Variants in NAA10 observed in about 807,000 individuals in gnomAD.
The protein encoded by NAA10 is N-alpha-acetyltransferase 10.
In NAA10, 6 loss-of-function variants were observed where a neutral mutation model predicts 19.2. The observed-to-expected ratio is 0.31, with a 90% CI of 0.17 to 0.62. NAA10 has a LOEUF of 0.62. Ranked by LOEUF, NAA10 falls within the 20% of genes least tolerant of loss-of-function variation. The pLI is 0.83. For synonymous variants in NAA10, 97 were observed against 79.9 expected (o/e 1.21, Z -1.14); for missense variants, 101 against 198.4 (o/e 0.51, Z 2.95).
chrX:153,932,262 C>A (rs781858138), intron 5 of NAA10, 54 bp downstream of exon 5: 1 of 1,154,044 alleles, frequency 8.7e-7, no homozygotes, highest in Non-Finnish European at 1.2e-6. Flanking sequence ...CCAGGACCCC[C>A]GTCAAGGCAG....
At position 153,930,336 on chromosome X, in the gene NAA10, G is replaced by A. The variant is rs370487894; in HGVS notation, c.472-113C>T. The A allele has an allele frequency of 3.5e-4, 241 of 694,154 alleles. 1 individual carries two copies. The African/African-American group carries it at 4.5e-3, about 13-fold the overall frequency. 57.2% of individuals were successfully genotyped at this position (694,154 alleles called of 1,213,427 possible). A position where few individuals can be genotyped will look rare whatever the true frequency, so the allele number is the denominator to read the frequency against. The stretch of plus-strand genomic sequence containing the variant: ...AGGAGAGGGGCATAGTGAGGCAGCA[G>A]GGCTAGGCAGGACACGCGGGACTGA... On this transcript the variant is annotated intron_variant, in intron 7 of 7. Coordinates refer to ENST00000464845, the MANE Select transcript of NAA10 (RefSeq NM_003491.4).
In NAA10 at chrX:153,933,865, G is replaced by C. The variant is rs1360058884; in HGVS notation, c.179+78C>G. On this transcript the variant is annotated intron_variant, in intron 3 of 7. Coordinates refer to ENST00000464845, the MANE Select transcript of NAA10 (RefSeq NM_003491.4). ...CTTTCAACTGTACTGAAAAGAAGAAGCCTATTCATTTTTTTTAAAGCCCAC... is the reference window on the plus strand; with the variant it reads ...CTTTCAACTGTACTGAAAAGAAGAACCCTATTCATTTTTTTTAAAGCCCAC... 15 of 866,533 alleles carry C rather than the reference G, an allele frequency of 1.7e-5. No individual in the cohort carries two copies. The Admixed American group carries it at 3.6e-4, about 21-fold the overall frequency. 71.4% of individuals were successfully genotyped at this position (866,533 alleles called of 1,213,427 possible). A position where few individuals can be genotyped will look rare whatever the true frequency, so the allele number is the denominator to read the frequency against.
Position 153,929,897 on chromosome X carries a change from ATG to A in NAA10, c.*88_*89del. 1 of 766,915 alleles carries A rather than the reference ATG, an allele frequency of 1.3e-6. No homozygotes were observed. The highest frequency in any genetic ancestry group is 2.1e-5 in the South Asian group (1 of 46,998). The allele number at this position is 766,915 out of a possible 1,213,427, so 63.2% of individuals were successfully genotyped here. On this transcript the variant is annotated 3_prime_UTR_variant, in exon 8 of 8. Transcript: ENST00000464845. ...GGACCTGGAGAAACACACCCTCTAAATGTGCGCGCGCTCACACACAAAGTTCC... is the reference window on the plus strand; with the variant it reads ...GGACCTGGAGAAACACACCCTCTAAATGCGCGCGCTCACACACAAAGTTCC...
At chrX:153,932,905 T>G (rs1316404311) in intron 3 of NAA10, 15 of 306,578 alleles carry the variant, frequency 4.9e-5, no homozygotes, top group African/African-American at 3.5e-4. Flanking sequence ...ATCAAAAAAT[T>G]AGCTGGATGT....
intron 4 of NAA10, 21 bp downstream of exon 4, chrX:153,932,518 G>C (rs1159582781): frequency 1.7e-6 from 2 of 1,202,757 alleles, no homozygotes; most frequent in Non-Finnish European, 2.2e-6. Flanking sequence ...CCACCAGAGA[G>C]CCTGGGTGGA....
intron 5 of NAA10, 82 bp from the exon 6 acceptor site, chrX:153,932,197 G>T: frequency 8.5e-7 from 1 of 1,176,965 alleles, no homozygotes; most frequent in Non-Finnish European, 1.2e-6. Flanking sequence ...CCTCCTCCTG[G>T]TCCCTCCTTC....
Position 153,929,756 on chromosome X carries a change from G to A in NAA10, c.*231C>T, listed in dbSNP as rs2065155159. The A allele has an allele frequency of 2.3e-6, 1 of 431,232 alleles. No individual in the cohort carries two copies. The highest frequency in any genetic ancestry group is 3.5e-5 in the South Asian group (1 of 28,673). The allele number at this position is 431,232 out of a possible 1,213,427, so 35.5% of individuals were successfully genotyped here. A position where few individuals can be genotyped will look rare whatever the true frequency, so the allele number is the denominator to read the frequency against. ...TAAGTCCAGGGCCTCCTTCCCCGGG[G>A]CCACAGCTGCTGAAGGTCATGAGAC... is the stretch of plus-strand genomic sequence containing the variant. On this transcript the variant is annotated 3_prime_UTR_variant, in exon 8 of 8. Transcript: ENST00000464845.
At position 153,929,279 on chromosome X, in the gene NAA10, C is replaced by T. The variant is rs1391999344; in HGVS notation, c.*708G>A. ...TAACTTATCAGTATTGGCGCATCAA[C>T]AATAACAAATACACCAACTAATACA... On this transcript the variant is annotated 3_prime_UTR_variant, in exon 8 of 8. Transcript: ENST00000464845. The T allele has an allele frequency of 8.9e-6, 1 of 112,418 alleles. No individual in the cohort carries two copies. The highest frequency in any genetic ancestry group is 3.2e-5 in the African/African-American group (1 of 30,812). The allele number at this position is 112,418 out of a possible 1,213,427, so 9.3% of individuals were successfully genotyped here. A position where few individuals can be genotyped will look rare whatever the true frequency, so the allele number is the denominator to read the frequency against.
chrX:153,929,834 C>T lies in NAA10; in HGVS notation c.*153G>A, dbSNP rs1365236633. The T allele has an allele frequency of 6.0e-6, 3 of 503,850 alleles. No homozygotes were observed. In the African/African-American group the frequency reaches 7.0e-5, roughly 12 times the overall value. 41.5% of individuals were successfully genotyped at this position (503,850 alleles called of 1,213,427 possible). On this transcript the variant is annotated 3_prime_UTR_variant, in exon 8 of 8. Coordinates refer to ENST00000464845, the MANE Select transcript of NAA10 (RefSeq NM_003491.4). ...CCTTGTACTCGGGCCTGGCAGGATG[C>T]TCTGGGTCAAAAGGCCAAGGCTCAC...
At chrX:153,931,300 C>T in intron 6 of NAA10, 1 of 881,622 alleles carries the variant, frequency 1.1e-6, no homozygotes, top group Non-Finnish European at 1.4e-6. Context: ...GGGAGCTGGA[C>T]TCAATGGCCT....
At chrX:153,933,408 G>A (rs1382558039) in intron 3 of NAA10, among the ~76,000 whole-genome samples, 7 of 112,297 alleles carry the variant, frequency 6.2e-5, no homozygotes, top group East Asian at 2.8e-4. Flanking sequence ...AGTGGCTCAC[G>A]CCTGTAATCC....
chrX:153,929,928 G>C lies in NAA10; in HGVS notation c.*59C>G. 4 of 1,019,537 alleles carry C rather than the reference G, an allele frequency of 3.9e-6. No homozygotes were observed. The Admixed American group carries it at 8.8e-5, about 22-fold the overall frequency. The allele number at this position is 1,019,537 out of a possible 1,213,427, so 84.0% of individuals were successfully genotyped here. On this transcript the variant is annotated 3_prime_UTR_variant, in exon 8 of 8. Transcript: ENST00000464845. ...GCGCGCTCACACACAAAGTTCCCCA[G>C]TGCCACGGAGCGAATTTATTGTGAA... is the stretch of plus-strand genomic sequence containing the variant.
chrX:153,931,006 T>C, intron 6 of NAA10, 159 bp from the exon 7 acceptor site: 8 of 1,177,685 alleles, frequency 6.8e-6, no homozygotes, highest in Non-Finnish European at 9.1e-6. Flanking sequence ...CTCTGTTCTC[T>C]CCAGCAAAGG....
intron 2 of NAA10, 59 bp downstream of exon 2, chrX:153,934,318 G>T: frequency 2.0e-6 from 2 of 990,626 alleles, no homozygotes; most frequent in Non-Finnish European, 2.8e-6. Context: ...CTCCAAGATG[G>T]CCAGATGGGA....
At chrX:153,932,609 G>T (rs781893682) in intron 3 of NAA10, 25 bp from the exon 4 acceptor site, 1 of 1,188,941 alleles carries the variant, frequency 8.4e-7, no homozygotes, top group Non-Finnish European at 1.1e-6. Context: ...AGGAGAGGCT[G>T]CAAAGGAGCT....
At chrX:153,933,914 A>G in intron 3 of NAA10, 29 bp downstream of exon 3, 4 of 1,184,578 alleles carry the variant, frequency 3.4e-6, no homozygotes, top group African/African-American at 1.7e-5. Flanking sequence ...AGACACGTGT[A>G]GCTTCTGTCT....
At chrX:153,931,805 C>T (rs1156795269) in intron 6 of NAA10, 3 of 1,078,416 alleles carry the variant, frequency 2.8e-6, no homozygotes, top group Non-Finnish European at 3.6e-6. Context: ...GTGTGCCCTT[C>T]GCCAGCCTCA....
Position 153,933,979 on chromosome X carries a change from T to A in NAA10, c.143A>T (p.Glu48Val). 8.3e-7 allele frequency: 1 copy of A among 1,211,306 alleles called. No individual in the cohort carries two copies. Among genetic ancestry groups the A allele is most frequent in the Non-Finnish European group, 1.1e-6 (1 of 895,128 alleles). ...GACATACCCCACAATCTTCCCATTC[T>A]CGTCCTCAGCAATGTAAGAGAGCTG... Reference protein sequence around the residue: ...WPQLSYIAEDENGKIVGYVLA... With the variant: ...WPQLSYIAEDVNGKIVGYVLA... Residue 48 changes from glutamate to valine, a missense_variant, in exon 3 of 8, where the codon GAG (glutamate) becomes GTG (valine). Transcript: ENST00000464845.
In NAA10 at chrX:153,929,717, C is replaced by A; in HGVS notation, c.*270G>T. The A allele has an allele frequency of 2.5e-6, 1 of 407,007 alleles. No homozygotes were observed. Among genetic ancestry groups the A allele is most frequent in the Non-Finnish European group, 4.3e-6 (1 of 233,883 alleles). The allele number at this position is 407,007 out of a possible 1,213,427, so 33.5% of individuals were successfully genotyped here. A position where few individuals can be genotyped will look rare whatever the true frequency, so the allele number is the denominator to read the frequency against. On this transcript the variant is annotated 3_prime_UTR_variant, in exon 8 of 8. Transcript: ENST00000464845. ...AGCGTGGCCAAGCAGACCTCCAAGG[C>A]AGGGTCTCTCCCATAAGTCCAGGGC... is the stretch of plus-strand genomic sequence containing the variant.
Sources: gnomAD v4.1 joint callset for allele counts (sites outside exome capture counted in the v4.1 genomes callset) on GRCh38, gnomAD v4.1.1 for gene constraint, MANE v1.5 for transcripts, NCBI Gene and HGNC (gene_info 2026-07-23, HGNC 2026-07-21) for gene names.